The following CNTN3 variants were observed in gnomAD, a reference collection of about 807,000 sequenced individuals.
The protein encoded by CNTN3 is contactin-3.
In CNTN3, 60 loss-of-function variants were observed where a neutral mutation model predicts 119.1. The ratio of observed to expected loss-of-function variants is 0.50; its 90% CI spans 0.41 to 0.62. The LOEUF (loss-of-function observed/expected upper bound fraction) is 0.62, where lower values mean the gene tolerates loss of function less well. CNTN3 is among the 20% of genes least tolerant of loss of function. The probability of loss-of-function intolerance (pLI) is 0.00; values close to 1 mark genes in which losing one functional copy is unlikely to be tolerated. For missense variants in CNTN3, 1,101 were observed against 1,242.4 expected, an observed-to-expected ratio of 0.89 and a Z score of 1.71; for synonymous variants, 450 against 438.7, an observed-to-expected ratio of 1.03 and a Z score of -0.32.
intron 2 of CNTN3, among the ~76,000 whole-genome samples, chr3:74,511,398 G>A (rs1420390107): frequency 1.3e-5 from 2 of 152,068 alleles, no homozygotes; most frequent in Admixed American, 1.3e-4. Flanking sequence ...CTTCCTCCTG[G>A]AATATTTTTG....
At chr3:74,319,235 C>T (rs1336872773) in intron 13 of CNTN3, among the ~76,000 whole-genome samples, 1 of 152,042 alleles carries the variant, frequency 6.6e-6, no homozygotes, top group Non-Finnish European at 1.5e-5. Flanking sequence ...AGAACAAAGC[C>T]AGAGGCATCA....
In CNTN3 at chr3:74,365,695, G is replaced by A. The variant is rs984931572; in HGVS notation, c.954C>T (p.Pro318=). The A allele has an allele frequency of 1.9e-6, 3 of 1,603,692 alleles. No homozygotes were observed. In the African/African-American group the frequency reaches 4.0e-5, roughly 22 times the overall value. The change falls in exon 9 of 23, where the codon CCC becomes CCT. Residue 318 remains proline, a synonymous_variant. Coordinates refer to ENST00000263665, the MANE Select transcript of CNTN3 (RefSeq NM_020872.3). ...CATCCTTTATGAGTTGAACCCAATG[G>A]GGCTTTGCTTCAATGAAAGAAAAGG... ...ARGRLTYYAK[P]HWVQLIKDVE... is the part of the protein sequence containing the mutation.
chr3:74,271,505 A>G (rs929781205), intron 20 of CNTN3, among the ~76,000 whole-genome samples: 4 of 152,202 alleles, frequency 2.6e-5, no homozygotes, highest in East Asian at 1.9e-4. Context: ...GGAGCTTTCA[A>G]TGGTGATGTC....
chr3:74,594,624 A>T (rs970971013), intron 1 of CNTN3, among the ~76,000 whole-genome samples: 3 of 152,012 alleles, frequency 2.0e-5, no homozygotes, highest in Admixed American at 6.6e-5. Flanking sequence ...AAGGACATGA[A>T]CTCATCATTT....
intron 20 of CNTN3, among the ~76,000 whole-genome samples, chr3:74,274,191 C>T (rs1025225532): frequency 6.6e-6 from 1 of 152,062 alleles, no homozygotes; most frequent in African/African-American, 2.4e-5. Flanking sequence ...CTTAGTCCTG[C>T]CCCCACCTCA....
chr3:74,310,206 G>GA (rs1045365423), intron 13 of CNTN3, among the ~76,000 whole-genome samples: 2 of 151,438 alleles, frequency 1.3e-5, no homozygotes, highest in South Asian at 2.1e-4. Flanking sequence ...TTACATAAGA[G>GA]AAAAAAAACA....
intron 1 of CNTN3, among the ~76,000 whole-genome samples, chr3:74,533,300 G>A (rs1490884995): frequency 6.6e-6 from 1 of 151,968 alleles, no homozygotes; most frequent in African/African-American, 2.4e-5. Context: ...TACTCAGGGA[G>A]CTCTCTTAGG....
rs768194985 is a variant in CNTN3 at position 74,361,933 on chromosome 3, A to T, written c.1321T>A (p.Ser441Thr). The change falls in exon 11 of 23, where the codon TCT becomes ACT. Residue 441 changes from serine to threonine, a missense_variant. Physicochemically the swap from Ser to Thr is moderately conservative, Grantham distance 58. Transcript: ENST00000263665. ...CKPRASPRALSSWKKGDVSVQ... is the reference protein window; with the variant it reads ...CKPRASPRALTSWKKGDVSVQ... ...CTCACATCCCCCTTCTTCCAGGAAG[A>T]GAGTGCCCTTGGGGAGGCTCTGGGT... The T allele has an allele frequency of 1.9e-6, 3 of 1,613,776 alleles. No homozygotes were observed. Among genetic ancestry groups the T allele is most frequent in the Admixed American group, 3.3e-5 (2 of 59,996 alleles).
intron 13 of CNTN3, among the ~76,000 whole-genome samples, chr3:74,303,368 A>T (rs1702496156): frequency 6.6e-6 from 1 of 152,182 alleles, no homozygotes; most frequent in Non-Finnish European, 1.5e-5. Flanking sequence ...GAACCCCTCA[A>T]TAAGAAGAAA....
chr3:74,572,981 C>G (rs948381265), intron 1 of CNTN3, among the ~76,000 whole-genome samples: 1 of 152,198 alleles, frequency 6.6e-6, no homozygotes, highest in African/African-American at 2.4e-5. Context: ...TGTACTTAGA[C>G]CAGGGTGGGG....
chr3:74,570,273 A>T (rs2106648540), intron 1 of CNTN3, among the ~76,000 whole-genome samples: 1 of 152,242 alleles, frequency 6.6e-6, no homozygotes, highest in South Asian at 2.1e-4. Context: ...ATACTTGCAA[A>T]GTAGCAGTAG....
intron 3 of CNTN3, among the ~76,000 whole-genome samples, chr3:74,487,185 A>T (rs1472801223): frequency 4.6e-5 from 7 of 152,154 alleles, no homozygotes; most frequent in African/African-American, 1.7e-4. Context: ...ATGACCATAA[A>T]CACTACCTAG....
At chr3:74,418,143 C>T (rs921220515) in intron 5 of CNTN3, among the ~76,000 whole-genome samples, 2 of 152,088 alleles carry the variant, frequency 1.3e-5, no homozygotes, top group Admixed American at 6.6e-5. Context: ...AGTCTACACA[C>T]ATTGACCTCT....
chr3:74,311,275 G>C (rs943496385), intron 13 of CNTN3, among the ~76,000 whole-genome samples: 1 of 152,064 alleles, frequency 6.6e-6, no homozygotes, highest in Non-Finnish European at 1.5e-5. Flanking sequence ...CTTCAGAAGT[G>C]TGAATTTTTC....
intron 1 of CNTN3, among the ~76,000 whole-genome samples, chr3:74,550,939 T>G (rs1397553905): frequency 6.6e-6 from 1 of 152,184 alleles, no homozygotes; most frequent in Non-Finnish European, 1.5e-5. Flanking sequence ...CCCTAAAGCA[T>G]GGTCTCTTCA....
intron 2 of CNTN3, among the ~76,000 whole-genome samples, chr3:74,508,697 G>A (rs1270381109): frequency 6.6e-6 from 1 of 151,852 alleles, no homozygotes; most frequent in South Asian, 2.1e-4. Flanking sequence ...TCCATCTGAT[G>A]TGCTTTATCC....
chr3:74,437,380 T>C (rs1480670723), intron 4 of CNTN3, among the ~76,000 whole-genome samples: 2 of 151,962 alleles, frequency 1.3e-5, no homozygotes, highest in African/African-American at 4.8e-5. Context: ...GAGAATGGCG[T>C]GAATCCGGGA....
At chr3:74,298,979 C>T (rs1702399800) in intron 17 of CNTN3, among the ~76,000 whole-genome samples, 1 of 151,774 alleles carries the variant, frequency 6.6e-6, no homozygotes, top group South Asian at 2.1e-4. Flanking sequence ...GGCCAAGGCA[C>T]CTCGATCATT....
intron 1 of CNTN3, among the ~76,000 whole-genome samples, chr3:74,593,715 T>C (rs924860102): frequency 1.3e-5 from 2 of 151,962 alleles, no homozygotes; most frequent in Non-Finnish European, 2.9e-5. Context: ...GAGGGTGAAA[T>C]TGTTTACGGG....
Sources: allele counts gnomAD v4.1 joint callset (sites outside exome capture counted in the v4.1 genomes callset), GRCh38; gene constraint gnomAD v4.1.1; transcripts MANE v1.5; gene names NCBI Gene and HGNC (gene_info 2026-07-23, HGNC 2026-07-21).